Variants in NFKB1 observed in about 807,000 individuals in gnomAD.
NFKB1 encodes the protein nuclear factor kappa B subunit 1.
A neutral mutation model predicts 105.1 loss-of-function variants in NFKB1; 9 were observed. That is an observed-to-expected ratio of 0.09 (90% CI 0.05 to 0.15). The LOEUF is 0.15. Among genes scored for constraint, NFKB1 ranks in the 10% least tolerant of loss-of-function variants. The probability of loss-of-function intolerance (pLI) is 1.00; values close to 1 mark genes in which losing one functional copy is unlikely to be tolerated. For synonymous variants in NFKB1, 440 were observed against 442.2 expected, an observed-to-expected ratio of 1.00 and a Z score of 0.06; for missense variants, 830 against 1,203.7, an observed-to-expected ratio of 0.69 and a Z score of 4.59.
rs1350194292 is a variant in NFKB1, at chr4:102,594,921, A to G, written c.1240A>G (p.Thr414Ala). 2 of 1,611,564 alleles carry G rather than the reference A, an allele frequency of 1.2e-6. No homozygotes were observed. Among genetic ancestry groups the G allele is most frequent in the South Asian group, 1.1e-5 (1 of 90,768 alleles). ...TAGCTTCCCACACTATGGATTTCCTACTTATGGTGGGATTACTTTCCATCC... is the reference window on the plus strand; with the variant it reads ...TAGCTTCCCACACTATGGATTTCCTGCTTATGGTGGGATTACTTTCCATCC... ...GYSFPHYGFP[T>A]YGGITFHPGT... Residue 414 changes from threonine (T) to alanine (A), a missense_variant, in exon 13 of 24, where the codon ACT (threonine) becomes GCT (alanine). Thr to Ala is a moderately conservative substitution (Grantham distance 58). Coordinates refer to ENST00000226574, the MANE Select transcript of NFKB1 (RefSeq NM_003998.4).
chr4:102,561,252 CTT>C (rs1482628472), intron 5 of NFKB1, among the ~76,000 whole-genome samples: 1 of 135,652 alleles, frequency 7.4e-6, no homozygotes, highest in East Asian at 2.2e-4. Flanking sequence ...GCGTTATTCT[CTT>C]TCTTTCTTTC....
At chr4:102,518,680 C>G (rs1200810765) in intron 1 of NFKB1, among the ~76,000 whole-genome samples, 4 of 152,138 alleles carry the variant, frequency 2.6e-5, no homozygotes, top group South Asian at 2.1e-4. Flanking sequence ...GCCTGGCCTG[C>G]TTTGGCTAAT....
chr4:102,546,483 A>T (rs1722148164), intron 5 of NFKB1, among the ~76,000 whole-genome samples: 1 of 152,152 alleles, frequency 6.6e-6, no homozygotes, highest in South Asian at 2.1e-4. Flanking sequence ...ACTACAATAC[A>T]CTTAGTAACA....
intron 5 of NFKB1, among the ~76,000 whole-genome samples, chr4:102,547,312 C>T (rs1373015649): frequency 1.3e-5 from 2 of 152,116 alleles, no homozygotes; most frequent in Non-Finnish European, 2.9e-5. Context: ...GATGAGCTGG[C>T]AGGTACAAAA....
intron 5 of NFKB1, among the ~76,000 whole-genome samples, chr4:102,544,073 G>A (rs939764939): frequency 1.4e-4 from 20 of 147,630 alleles, no homozygotes; most frequent in Non-Finnish European, 2.5e-4. Context: ...GGTTTCAGAC[G>A]CTTTTTAGAT....
intron 5 of NFKB1, among the ~76,000 whole-genome samples, chr4:102,560,276 G>A (rs751138775): frequency 6.6e-6 from 1 of 152,182 alleles, no homozygotes. Context: ...TTTGTAAGCA[G>A]CTATATCTGA....
intron 15 of NFKB1, among the ~76,000 whole-genome samples, chr4:102,598,228 C>A (rs1726805445): frequency 1.3e-5 from 2 of 152,182 alleles, no homozygotes; most frequent in Admixed American, 1.3e-4. Flanking sequence ...AAACACCATG[C>A]CTTCCATTCT....
chr4:102,540,911 G>A (rs980135547), intron 5 of NFKB1, among the ~76,000 whole-genome samples: 1 of 152,062 alleles, frequency 6.6e-6, no homozygotes, highest in Non-Finnish European at 1.5e-5. Context: ...GGAAAAAATT[G>A]TTCTCCATGC....
chr4:102,574,637 G>T (rs1224634362), intron 6 of NFKB1, among the ~76,000 whole-genome samples: 1 of 152,122 alleles, frequency 6.6e-6, no homozygotes, highest in Non-Finnish European at 1.5e-5. Flanking sequence ...TAGGCATTAA[G>T]CCAGAGTAAT....
At position 102,612,501 on chromosome 4, in the gene NFKB1, A is replaced by C. The variant is rs767272584; in HGVS notation, c.2487A>C (p.Pro829=). 15 of 1,613,904 alleles carry C rather than the reference A, an allele frequency of 9.3e-6. No individual in the cohort carries two copies. In the Admixed American group the frequency reaches 1.3e-4, roughly 14 times the overall value. Reference sequence around the variant, plus strand: ...ATAAGTTACTAGAAATTCCTGATCCAGACAAAAACTGGGCTACTCTGGCGC... The same window carrying C: ...ATAAGTTACTAGAAATTCCTGATCCCGACAAAAACTGGGCTACTCTGGCGC... ...QLYKLLEIPD[P]DKNWATLAQK... Residue 829 remains proline, a synonymous_variant, in exon 22 of 24, where the codon CCA becomes CCC. Coordinates refer to ENST00000226574, the MANE Select transcript of NFKB1 (RefSeq NM_003998.4).
chr4:102,591,282 C>T (rs1191248324), intron 11 of NFKB1, among the ~76,000 whole-genome samples: 1 of 151,954 alleles, frequency 6.6e-6, no homozygotes, highest in African/African-American at 2.4e-5. Flanking sequence ...AAATGCCTGG[C>T]TTCAAAGCTT....
At chr4:102,605,993 A>G (rs1267249857) in intron 16 of NFKB1, among the ~76,000 whole-genome samples, 1 of 152,218 alleles carries the variant, frequency 6.6e-6, no homozygotes, top group African/African-American at 2.4e-5. Context: ...TATCAGCTGG[A>G]GGTAACTCCT....
rs186513751 is a variant in NFKB1, at chr4:102,591,770, G to A, written c.1067-1655G>A. 2.0e-5 allele frequency among the ~76,000 whole-genome samples: 3 copies of A among 152,324 alleles called. No individual in the cohort carries two copies. In the East Asian group the frequency reaches 5.8e-4, roughly 29 times the overall value. On this transcript the variant is annotated intron_variant, in intron 11 of 23. Coordinates refer to ENST00000226574, the MANE Select transcript of NFKB1 (RefSeq NM_003998.4). Reference sequence around the variant, plus strand: ...CATGGCTACTAACAGCCATTCTGCAGCCCATGGATCAAAAAGTAATTTTGA... The same window carrying A: ...CATGGCTACTAACAGCCATTCTGCAACCCATGGATCAAAAAGTAATTTTGA...
At position 102,607,895 on chromosome 4, in the gene NFKB1, C is replaced by T. The variant is rs1465584088; in HGVS notation, c.2227+144C>T. 4.3e-6 allele frequency: 3 copies of T among 704,066 alleles called. No individual in the cohort carries two copies. The African/African-American group carries it at 5.3e-5, about 12-fold the overall frequency. The allele number at this position is 704,066 out of a possible 1,614,324, so 43.6% of individuals were successfully genotyped here. ...TAAATAAAAATTATATGGCAAATCA[C>T]ATTTTATCTGCCATAAGGCACTGTT... On this transcript the variant is annotated intron_variant, in intron 19 of 23. Transcript: ENST00000226574.
At chr4:102,596,074 A>C in intron 13 of NFKB1, 64 bp from the exon 14 acceptor site, 2 of 1,131,822 alleles carry the variant, frequency 1.8e-6, no homozygotes, top group Non-Finnish European at 2.5e-6. Flanking sequence ...CCTACATTGG[A>C]ATAGCGAATT....
intron 1 of NFKB1, among the ~76,000 whole-genome samples, chr4:102,519,441 T>G (rs905268038): frequency 2.7e-5 from 4 of 150,050 alleles, no homozygotes; most frequent in African/African-American, 9.7e-5. Flanking sequence ...ATAGACATGG[T>G]TCAGGGAGAA....
intron 5 of NFKB1, among the ~76,000 whole-genome samples, chr4:102,558,175 G>T (rs1295166565): frequency 6.6e-6 from 1 of 151,478 alleles, no homozygotes; most frequent in Non-Finnish European, 1.5e-5. Context: ...CTTTTTCCTG[G>T]TCCTGTCTGT....
intron 5 of NFKB1, among the ~76,000 whole-genome samples, chr4:102,561,943 CAGT>C: frequency 6.6e-6 from 1 of 152,210 alleles, no homozygotes; most frequent in Non-Finnish European, 1.5e-5. Flanking sequence ...AAAAAGGAGG[CAGT>C]AGTGGAGCCT....
In NFKB1 at chr4:102,611,351, T is replaced by C. The variant is rs1309162373; in HGVS notation, c.2352+652T>C. Among the ~76,000 whole-genome samples the C allele has an allele frequency of 1.2e-3, 3 of 2,494 alleles. No homozygotes were observed. In the East Asian group the frequency reaches 0.38, roughly 312 times the overall value. The allele number at this position is 2,494 out of a possible 152,430, so 1.6% of individuals were successfully genotyped here. On this transcript the variant is annotated intron_variant, in intron 20 of 23. Transcript: ENST00000226574. Reference sequence around the variant, plus strand: ...CTGTATGTGTCCAGCTCACTGACGTTAGCATGGTTCTCCCTTTATGTTAGC... The same window carrying C: ...CTGTATGTGTCCAGCTCACTGACGTCAGCATGGTTCTCCCTTTATGTTAGC...
Sources: allele counts gnomAD v4.1 joint callset (sites outside exome capture counted in the v4.1 genomes callset), GRCh38; gene constraint gnomAD v4.1.1; transcripts MANE v1.5; gene names NCBI Gene and HGNC (gene_info 2026-07-23, HGNC 2026-07-21).